BATF: variants seen among roughly 807,000 people sequenced by gnomAD.
BATF encodes the protein basic leucine zipper ATF-like transcription factor.
A neutral mutation model predicts 13.7 loss-of-function variants in BATF; 5 were observed. The observed-to-expected ratio is 0.36, with a 90% CI of 0.19 to 0.77. BATF has a LOEUF of 0.77. BATF is among the 30% of genes least tolerant of loss of function. The pLI is 0.51. For synonymous variants in BATF, 72 were observed against 67.5 expected, an observed-to-expected ratio of 1.07 and a Z score of -0.33; for missense variants, 124 against 163.0, an observed-to-expected ratio of 0.76 and a Z score of 1.30.
At position 75,525,130 on chromosome 14, in the gene BATF, G is replaced by T; in HGVS notation, c.110G>T (p.Arg37Leu). 1 of 1,613,998 alleles carries T rather than the reference G, an allele frequency of 6.2e-7. No homozygotes were observed. Among genetic ancestry groups the T allele is most frequent in the Non-Finnish European group, 8.5e-7 (1 of 1,179,964 alleles). Residue 37 changes from arginine to leucine, a missense_variant, in exon 2 of 3, where the codon CGT becomes CTT. Around this residue, in one of 2 missense-constraint regions of BATF, gnomAD observed 65 missense variants for 113.3 expected, o/e 0.57. Transcript: ENST00000286639. The part of the protein sequence containing the change: ...VRRVQRREKN[R>L]IAAQKSRQRQ... The stretch of plus-strand genomic sequence containing the variant: ...AGAGTTCAGAGGAGGGAGAAAAATC[G>T]TATTGCCGCCCAGAAGAGCCGACAG...
chr14:75,523,429 A>G (rs1887606206), intron 1 of BATF, among the ~76,000 whole-genome samples: 1 of 152,176 alleles, frequency 6.6e-6, no homozygotes, highest in Admixed American at 6.5e-5. Context: ...GTTGGAAGAC[A>G]TTTGCTGGTA....
intron 2 of BATF, among the ~76,000 whole-genome samples, chr14:75,537,371 A>G (rs1887834994): frequency 6.6e-6 from 1 of 152,208 alleles, no homozygotes; most frequent in African/African-American, 2.4e-5. Flanking sequence ...TCTCATGGAC[A>G]TCACAGATTT....
chr14:75,530,517 T>C (rs373373329), intron 2 of BATF, among the ~76,000 whole-genome samples: 8 of 152,194 alleles, frequency 5.3e-5, no homozygotes, highest in African/African-American at 1.7e-4. Flanking sequence ...TAAATTATTG[T>C]CCATTCTGTG....
chr14:75,530,533 T>C (rs1011131993), intron 2 of BATF, among the ~76,000 whole-genome samples: 1 of 152,218 alleles, frequency 6.6e-6, no homozygotes, highest in African/African-American at 2.4e-5. Flanking sequence ...CTGTGGAATA[T>C]TGCAGATATG....
At chr14:75,546,428 C>A in intron 2 of BATF, 34 bp from the exon 3 acceptor site, 1 of 1,610,090 alleles carries the variant, frequency 6.2e-7, no homozygotes. Context: ...CCTTCCTAGA[C>A]ACTAACCTCC....
At chr14:75,525,473 GC>G (rs1315432451) in intron 2 of BATF, among the ~76,000 whole-genome samples, 2 of 151,918 alleles carry the variant, frequency 1.3e-5, no homozygotes, top group African/African-American at 4.8e-5. Context: ...GACCAGCCTG[GC>G]CAACATGGTG....
chr14:75,526,576 G>A (rs1469906252), intron 2 of BATF, among the ~76,000 whole-genome samples: 1 of 152,214 alleles, frequency 6.6e-6, no homozygotes, highest in Non-Finnish European at 1.5e-5. Context: ...CAACAGCTCT[G>A]ATTGGGTGCT....
chr14:75,542,450 C>T (rs944165145), intron 2 of BATF, among the ~76,000 whole-genome samples: 3 of 152,218 alleles, frequency 2.0e-5, no homozygotes, highest in Non-Finnish European at 4.4e-5. Context: ...TCTAGGTGTC[C>T]AGCCCTCATT....
chr14:75,539,833 T>C (rs936050056), intron 2 of BATF, among the ~76,000 whole-genome samples: 6 of 152,058 alleles, frequency 3.9e-5, no homozygotes, highest in Non-Finnish European at 8.8e-5. Flanking sequence ...GTGGGAGATG[T>C]GGGCCTAGAT....
intron 2 of BATF, among the ~76,000 whole-genome samples, chr14:75,540,349 GC>G (rs1425163027): frequency 7.9e-5 from 12 of 152,056 alleles, no homozygotes; most frequent in Non-Finnish European, 1.3e-4. Context: ...ATGTTCCCAC[GC>G]CCCCAGGAAG....
intron 2 of BATF, among the ~76,000 whole-genome samples, chr14:75,540,972 A>G (rs1204454283): frequency 6.6e-6 from 1 of 152,132 alleles, no homozygotes; most frequent in African/African-American, 2.4e-5. Flanking sequence ...CTGTAACCCC[A>G]GCTACCCAGA....
intron 2 of BATF, among the ~76,000 whole-genome samples, chr14:75,529,133 A>G (rs969045978): frequency 2.0e-5 from 3 of 152,378 alleles, no homozygotes; most frequent in Non-Finnish European, 4.4e-5. Flanking sequence ...AAAAAAAATC[A>G]TATGACAATT....
At chr14:75,536,562 C>T (rs1275746210) in intron 2 of BATF, among the ~76,000 whole-genome samples, 1 of 151,056 alleles carries the variant, frequency 6.6e-6, no homozygotes, top group African/African-American at 2.4e-5. Context: ...CCCATCTCTA[C>T]AAAAAAAAAT....
In BATF at chr14:75,524,939, C is replaced by T. The variant is rs1887629309; in HGVS notation, c.64-145C>T. ...AGAAGAGCTCTCCTTCGGGTGCAGGCTTTTGGTAAATAGAGGGATGGAGGG... is the reference window on the plus strand; with the variant it reads ...AGAAGAGCTCTCCTTCGGGTGCAGGTTTTTGGTAAATAGAGGGATGGAGGG... On this transcript the variant is annotated intron_variant, in intron 1 of 2. Transcript: ENST00000286639. The T allele has an allele frequency of 6.2e-6, 4 of 644,622 alleles. No individual in the cohort carries two copies. In the South Asian group the frequency reaches 8.6e-5, roughly 14 times the overall value. The allele number at this position is 644,622 out of a possible 1,614,324, so 39.9% of individuals were successfully genotyped here.
intron 2 of BATF, among the ~76,000 whole-genome samples, chr14:75,542,189 T>C (rs1887906265): frequency 6.6e-6 from 1 of 152,188 alleles, no homozygotes; most frequent in Non-Finnish European, 1.5e-5. Flanking sequence ...CCTGTGGTCA[T>C]TTTGGAGGGT....
chr14:75,542,453 C>T (rs1041413279), intron 2 of BATF, among the ~76,000 whole-genome samples: 1 of 152,210 alleles, frequency 6.6e-6, no homozygotes, highest in African/African-American at 2.4e-5. Flanking sequence ...AGGTGTCCAG[C>T]CCTCATTGTT....
chr14:75,531,645 G>T (rs1274149375), intron 2 of BATF, among the ~76,000 whole-genome samples: 1 of 152,186 alleles, frequency 6.6e-6, no homozygotes, highest in Non-Finnish European at 1.5e-5. Context: ...GATGTGCTTT[G>T]TCATATATGA....
At chr14:75,543,109 G>A (rs974590950) in intron 2 of BATF, among the ~76,000 whole-genome samples, 7 of 152,176 alleles carry the variant, frequency 4.6e-5, no homozygotes, top group African/African-American at 9.7e-5. Flanking sequence ...CCCAGTTCCC[G>A]TCTTACCAAC....
At chr14:75,546,102 T>C (rs1034404584) in intron 2 of BATF, among the ~76,000 whole-genome samples, 2 of 152,010 alleles carry the variant, frequency 1.3e-5, no homozygotes, top group Non-Finnish European at 2.9e-5. Context: ...CCTCAGGCAA[T>C]CCGCCCGCCT....
Sources: allele counts gnomAD v4.1 joint callset (sites outside exome capture counted in the v4.1 genomes callset), GRCh38; gene constraint gnomAD v4.1.1; regional missense constraint gnomAD v4.1.1; transcripts MANE v1.5; gene names NCBI Gene and HGNC (gene_info 2026-07-23, HGNC 2026-07-21).